The following F5 variants were observed in gnomAD, a reference collection of about 807,000 sequenced individuals.
F5 encodes the protein activated protein c cofactor.
F5 carries 138 observed loss-of-function variants against 216.4 expected under a neutral mutation model. That is an observed-to-expected ratio of 0.64 (90% confidence interval 0.56 to 0.73). The LOEUF is 0.73. Among genes scored for constraint, F5 ranks in the 30% least tolerant of loss-of-function variants. F5 has a pLI of 0.00. For synonymous variants in F5, 916 were observed against 930.7 expected, an observed-to-expected ratio of 0.98 and a Z score of 0.29; for missense variants, 2,403 against 2,674.0, an observed-to-expected ratio of 0.90 and a Z score of 2.24.
At position 169,529,621 on chromosome 1, in the gene F5, G is replaced by A; in HGVS notation, c.5406C>T (p.Ser1802=). 1 of 1,613,526 alleles carries A rather than the reference G, an allele frequency of 6.2e-7. No homozygotes were observed. Among genetic ancestry groups the A allele is most frequent in the Non-Finnish European group, 8.5e-7 (1 of 1,179,650 alleles). ...WRLTSSEMKK[S]HEFHAINGMI... Reference sequence around the variant, plus strand: ...TGAGGAAAATACCGTGAAACTCATGGGATTTTTTCATTTCTGAGGATGTGA... The same window carrying A: ...TGAGGAAAATACCGTGAAACTCATGAGATTTTTTCATTTCTGAGGATGTGA... The change falls in exon 16 of 25, where the codon TCC becomes TCT. Residue 1802 remains serine (S), a synonymous_variant. Transcript: ENST00000367797.
chr1:169,571,741 A>C (rs977818703), intron 3 of F5, among the ~76,000 whole-genome samples: 7 of 152,122 alleles, frequency 4.6e-5, no homozygotes, highest in Non-Finnish European at 8.8e-5. Context: ...TACGGTAACA[A>C]AGTTAATTAG....
chr1:169,578,809 C>T (rs1190575086), intron 2 of F5, among the ~76,000 whole-genome samples: 2 of 152,126 alleles, frequency 1.3e-5, no homozygotes, highest in Non-Finnish European at 2.9e-5. Flanking sequence ...GCTTTCCTGG[C>T]CCCCCATGAA....
intron 3 of F5, among the ~76,000 whole-genome samples, chr1:169,565,295 C>A (rs1239692459): frequency 2.0e-5 from 3 of 152,040 alleles, no homozygotes; most frequent in Admixed American, 6.6e-5. Context: ...TCATTTTCTT[C>A]TACTAGATCA....
rs1304994612 is a variant in F5 at position 169,544,192 on chromosome 1, G to A, written c.1975+104C>T. The A allele has an allele frequency of 1.4e-5, 12 of 886,116 alleles. No individual in the cohort carries two copies. In the East Asian group the frequency reaches 3.0e-4, roughly 22 times the overall value. 54.9% of individuals were successfully genotyped at this position (886,116 alleles called of 1,614,324 possible). A position where few individuals can be genotyped will look rare whatever the true frequency, so the allele number is the denominator to read the frequency against. The stretch of plus-strand genomic sequence containing the variant: ...AAAGAAAAGCCTGCAGGGGGTCAGG[G>A]AGATACATAGAGGAGCACTGGTAGC... On this transcript the variant is annotated intron_variant, in intron 12 of 24. Transcript: ENST00000367797.
chr1:169,541,992 T>C lies in F5; in HGVS notation c.3098A>G (p.Lys1033Arg), dbSNP rs779409517. 35 of 1,614,076 alleles carry C rather than the reference T, an allele frequency of 2.2e-5. No homozygotes were observed. Among genetic ancestry groups the C allele is most frequent in the Non-Finnish European group, 1.3e-5 (15 of 1,179,974 alleles). ...AGCATGGTGTGTGTGCTTCTCTTTT[T>C]TCTTTTTTCGTGTCTTAATGAGAAA... is the stretch of plus-strand genomic sequence containing the variant. ...SQFLIKTRKK[K>R]KEKHTHHAPL... Residue 1033 changes from lysine to arginine, a missense_variant, in exon 13 of 25, where the codon AAA (lysine) becomes AGA (arginine). Lys to Arg is a conservative substitution (Grantham distance 26). Transcript: ENST00000367797.
At chr1:169,527,114 A>G (rs1189742830) in intron 17 of F5, among the ~76,000 whole-genome samples, 6 of 152,102 alleles carry the variant, frequency 3.9e-5, no homozygotes, top group African/African-American at 1.4e-4. Context: ...GGTGCAAACT[A>G]TAATTGCGGT....
intron 2 of F5, among the ~76,000 whole-genome samples, chr1:169,572,956 T>TC (rs1419729564): frequency 7.0e-6 from 1 of 143,322 alleles, no homozygotes; most frequent in Admixed American, 6.8e-5. Context: ...ATTTTTCTTT[T>TC]TTTTTTTGAG....
At chr1:169,522,096 G>GTTAATTGAAATATACAAAGTAT (rs373438372) in intron 21 of F5, among the ~76,000 whole-genome samples, 258 of 152,202 alleles carry the variant, frequency 1.7e-3, no homozygotes, top group African/African-American at 5.9e-3. Context: ...GAATTGACCA[G>GTTAATTGAAATATACAAAGTAT]TTAATTGAAA....
intron 24 of F5, among the ~76,000 whole-genome samples, chr1:169,514,850 A>G (rs1029304576): frequency 6.6e-6 from 1 of 152,162 alleles, no homozygotes; most frequent in African/African-American, 2.4e-5. Context: ...GCTGTGGAGC[A>G]GCTGCAAAAC....
intron 4 of F5, among the ~76,000 whole-genome samples, chr1:169,559,531 C>T (rs774520671): frequency 1.2e-4 from 19 of 152,130 alleles, no homozygotes; most frequent in Non-Finnish European, 2.6e-4. Context: ...GGCTTTATTT[C>T]ATCCAGCTTG....
Position 169,541,365 on chromosome 1 carries a change from G to C in F5, c.3725C>G (p.Pro1242Arg), listed in dbSNP as rs370532797. 42 of 1,565,230 alleles carry C rather than the reference G, an allele frequency of 2.7e-5. No individual in the cohort carries two copies. In the African/African-American group the frequency reaches 5.6e-4, roughly 21 times the overall value. The change falls in exon 13 of 25, where the codon CCA (proline) becomes CGA (arginine). Residue 1242 changes from proline to arginine, a missense_variant. Coordinates refer to ENST00000367797, the MANE Select transcript of F5 (RefSeq NM_000130.5). ...SPDLSHTTLS[P>R]DLSHTTLSLD... ...AGAAAGGGTTGTATGGCTGAGGTCT[G>C]GAGAAAGGGTTGTATGGCTGAGGTC...
intron 9 of F5, among the ~76,000 whole-genome samples, 167 bp from the exon 10 acceptor site, chr1:169,550,182 C>T (rs935131835): frequency 4.6e-5 from 7 of 151,386 alleles, no homozygotes; most frequent in Non-Finnish European, 7.4e-5. Flanking sequence ...GCACAACGTG[C>T]AGGTTTGTTA....
chr1:169,573,207 C>A (rs1660766820), intron 2 of F5, among the ~76,000 whole-genome samples: 1 of 152,142 alleles, frequency 6.6e-6, no homozygotes. Flanking sequence ...CTCAGCCTCC[C>A]AAAGTGCTGG....
intron 3 of F5, among the ~76,000 whole-genome samples, chr1:169,571,490 A>G (rs9332532): frequency 0.03 from 4,582 of 152,252 alleles, 226 homozygotes; most frequent in African/African-American, 0.1. Context: ...CTGCCTTTAA[A>G]GCTTACTTTC....
intron 14 of F5, among the ~76,000 whole-genome samples, chr1:169,533,007 ATGGTAC>A (rs528470853): frequency 8.5e-5 from 13 of 152,210 alleles, no homozygotes; most frequent in Non-Finnish European, 1.9e-4. Flanking sequence ...CCAAAATAGC[ATGGTAC>A]TGATACAAAA....
chr1:169,539,245 C>T (rs1659774807), intron 13 of F5, among the ~76,000 whole-genome samples: 1 of 152,110 alleles, frequency 6.6e-6, no homozygotes, highest in Admixed American at 6.6e-5. Flanking sequence ...TGCCTTTCTT[C>T]TGGTCTACCT....
At chr1:169,566,537 G>T (rs1660604499) in intron 3 of F5, among the ~76,000 whole-genome samples, 1 of 152,032 alleles carries the variant, frequency 6.6e-6, no homozygotes, top group South Asian at 2.1e-4. Flanking sequence ...TTCAGTATTT[G>T]TGAGACTATA....
At chr1:169,565,572 T>C (rs1380027677) in intron 3 of F5, among the ~76,000 whole-genome samples, 1 of 152,140 alleles carries the variant, frequency 6.6e-6, no homozygotes, top group Non-Finnish European at 1.5e-5. Flanking sequence ...AATGCCAACA[T>C]TAAACATCCG....
intron 3 of F5, among the ~76,000 whole-genome samples, chr1:169,562,929 G>T (rs534542904): frequency 5.3e-5 from 8 of 151,978 alleles, no homozygotes; most frequent in African/African-American, 1.9e-4. Flanking sequence ...TCCTTCTTAT[G>T]AATCTAAATG....
Sources: gnomAD v4.1 joint callset for allele counts (sites outside exome capture counted in the v4.1 genomes callset) on GRCh38, gnomAD v4.1.1 for gene constraint, MANE v1.5 for transcripts, NCBI Gene and HGNC (gene_info 2026-07-23, HGNC 2026-07-21) for gene names.